EXOC8: variants seen among roughly 807,000 people sequenced by gnomAD.
EXOC8 encodes exocyst complex 84 kDa subunit.
In EXOC8, 19 loss-of-function variants were observed where a neutral mutation model predicts 50.8. The ratio of observed to expected loss-of-function variants is 0.37; its 90% CI spans 0.26 to 0.55. The LOEUF is 0.55. Among genes scored for constraint, EXOC8 ranks in the 20% least tolerant of loss-of-function variants. The probability of loss-of-function intolerance (pLI) is 0.80; values close to 1 mark genes in which losing one functional copy is unlikely to be tolerated. For missense variants in EXOC8, 781 were observed against 915.8 expected (o/e 0.85, Z 1.90); for synonymous variants, 384 against 367.9 (o/e 1.04, Z -0.50).
chr1:231,334,819 AC>A lies in EXOC8; in HGVS notation c.*748del. 6.6e-6 allele frequency: 1 copy of A among 152,326 alleles called. No homozygotes were observed. Among genetic ancestry groups the A allele is most frequent in the East Asian group, 1.9e-4 (1 of 5,194 alleles). 9.4% of individuals were successfully genotyped at this position (152,326 alleles called of 1,614,324 possible). ...GAAAGAATTCTTTTGACTAAAACTT[AC>A]CTTAAAACCAATTTTCCCAACTCTT... On this transcript the variant is annotated 3_prime_UTR_variant, in exon 1 of 1. Transcript: ENST00000366645.
rs758010951 is a variant in EXOC8 at position 231,336,183 on chromosome 1, A to G, written c.1563T>C (p.Cys521=). 16 of 1,614,026 alleles carry G rather than the reference A, an allele frequency of 9.9e-6. No homozygotes were observed. In the East Asian group the frequency reaches 2.9e-4, roughly 29 times the overall value. ...GGCAATGCTCCTTAGCCACTTTTAC[A>G]CACTCAGCTGCTGTAGAGAGGCTCT... The part of the protein sequence containing the change: ...SKESLSTAAE[C]VKVAKEHCQQ... The change falls in exon 1 of 1, where the codon TGT becomes TGC. Residue 521 remains cysteine (C), a synonymous_variant. Coordinates refer to ENST00000366645, the MANE Select transcript of EXOC8 (RefSeq NM_175876.5). The surrounding 1 kb of genome is among the most constrained non-coding windows in gnomAD (Gnocchi z 5.4).
In EXOC8 at chr1:231,335,035, G is replaced by C. The variant is rs1558356613; in HGVS notation, c.*533C>G. 1 of 151,882 alleles carries C rather than the reference G, an allele frequency of 6.6e-6. No homozygotes were observed. The allele number at this position is 151,882 out of a possible 1,614,324, so 9.4% of individuals were successfully genotyped here. A position where few individuals can be genotyped will look rare whatever the true frequency, so the allele number is the denominator to read the frequency against. ...TGTGGGGAAAAAAAAAAAGAAGAAAGAAAAGACTAGCCTGGGCAACATGGC... is the reference window on the plus strand; with the variant it reads ...TGTGGGGAAAAAAAAAAAGAAGAAACAAAAGACTAGCCTGGGCAACATGGC... On this transcript the variant is annotated 3_prime_UTR_variant, in exon 1 of 1. Transcript: ENST00000366645.
Position 231,337,575 on chromosome 1 carries a change from C to T in EXOC8, c.171G>A (p.Gln57=). 6.2e-7 allele frequency: 1 copy of T among 1,612,878 alleles called. No individual in the cohort carries two copies. The highest frequency in any genetic ancestry group is 8.5e-7 in the Non-Finnish European group (1 of 1,179,984). The change falls in exon 1 of 1, where the codon CAG becomes CAA. Residue 57 remains glutamine (Q), a synonymous_variant. Coordinates refer to ENST00000366645, the MANE Select transcript of EXOC8 (RefSeq NM_175876.5). The surrounding 1 kb of genome is among the most constrained non-coding windows in gnomAD (Gnocchi z 5.9). ...RIQALAEETA[Q]NLKRNVYQNY... The stretch of plus-strand genomic sequence containing the variant: ...TCTGGTAGACGTTGCGCTTCAGGTT[C>T]TGCGCCGTCTCCTCCGCCAGCGCCT...
Position 231,337,396 on chromosome 1 carries a change from G to A in EXOC8, c.350C>T (p.Ala117Val). Residue 117 changes from alanine to valine, a missense_variant, in exon 1 of 1, where the codon GCC becomes GTC. By Grantham distance (64) the Ala-to-Val change is moderately conservative. This residue lies in a region of EXOC8 where 700 missense variants were observed against 804.1 expected (regional missense o/e 0.87). Transcript: ENST00000366645. This position sits in a 1 kb window ranked among gnomAD's most constrained non-coding sequence, Gnocchi z 5.9. Reference sequence around the variant, plus strand: ...ACCGACTCCCTCCTCCCCTCCAGAGGCGGCGGCGGCTCCGGCGGCAGCAGC... The same window carrying A: ...ACCGACTCCCTCCTCCCCTCCAGAGACGGCGGCGGCTCCGGCGGCAGCAGC... ...PAAAAAGAAA[A>V]SGGEEGVGGA... is the part of the protein sequence containing the mutation. 1 of 1,603,794 alleles carries A rather than the reference G, an allele frequency of 6.2e-7. No individual in the cohort carries two copies.
Position 231,336,381 on chromosome 1 carries a change from ATAGAG to A in EXOC8, c.1360_1364del (p.Leu454TyrfsTer3). ...AGAAGACATGGCACAGCTTATGAAT[ATAGAG>A]TAAAGTGGCACCTTCGATGCGAAGC... On this transcript the variant is annotated frameshift_variant, in exon 1 of 1. Transcript: ENST00000366645. LOFTEE classifies it high-confidence loss of function. The surrounding 1 kb of genome is among the most constrained non-coding windows in gnomAD (Gnocchi z 5.4). 3 of 1,614,066 alleles carry A rather than the reference ATAGAG, an allele frequency of 1.9e-6. No homozygotes were observed. The highest frequency in any genetic ancestry group is 1.7e-5 in the Admixed American group (1 of 60,028).
rs1036571956 is a variant in EXOC8 at position 231,333,849 on chromosome 1, T to C, written c.*1719A>G. 1 of 152,320 alleles carries C rather than the reference T, an allele frequency of 6.6e-6. No individual in the cohort carries two copies. Among genetic ancestry groups the C allele is most frequent in the Admixed American group, 6.5e-5 (1 of 15,282 alleles). The allele number at this position is 152,320 out of a possible 1,614,324, so 9.4% of individuals were successfully genotyped here. ...ATGAATTTTACAACCCTGAGCCACT[T>C]TGGCAACTACTTTAGGTTTCACATA... is the stretch of plus-strand genomic sequence containing the variant. On this transcript the variant is annotated 3_prime_UTR_variant, in exon 1 of 1. Coordinates refer to ENST00000366645, the MANE Select transcript of EXOC8 (RefSeq NM_175876.5).
rs930848760 is a variant in EXOC8 at position 231,334,527 on chromosome 1, T to C, written c.*1041A>G. 2 of 152,236 alleles carry C rather than the reference T, an allele frequency of 1.3e-5. No individual in the cohort carries two copies. Among genetic ancestry groups the C allele is most frequent in the Admixed American group, 1.3e-4 (2 of 15,286 alleles). The allele number at this position is 152,236 out of a possible 1,614,324, so 9.4% of individuals were successfully genotyped here. Reference sequence around the variant, plus strand: ...TGCCAGTGTCCCCAATGTGTCTTGCTTATTATTTTTTAAAATGTGACAAAG... The same window carrying C: ...TGCCAGTGTCCCCAATGTGTCTTGCCTATTATTTTTTAAAATGTGACAAAG... On this transcript the variant is annotated 3_prime_UTR_variant, in exon 1 of 1. Coordinates refer to ENST00000366645, the MANE Select transcript of EXOC8 (RefSeq NM_175876.5).
Position 231,336,310 on chromosome 1 carries a change from G to A in EXOC8, c.1436C>T (p.Ala479Val). ...ETAREFEIDFAGTDSGCYSAF... is the reference protein window; with the variant it reads ...ETAREFEIDFVGTDSGCYSAF... ...AGAGTAGCAGCCGCTGTCAGTGCCT[G>A]CAAAATCGATCTCAAATTCTCTTGC... Residue 479 changes from alanine (A) to valine (V), a missense_variant, in exon 1 of 1, where the codon GCA becomes GTA. This residue lies in a region of EXOC8 where 700 missense variants were observed against 804.1 expected (regional missense o/e 0.87). Transcript: ENST00000366645. This position sits in a 1 kb window ranked among gnomAD's most constrained non-coding sequence, Gnocchi z 5.4. 1 of 1,614,016 alleles carries A rather than the reference G, an allele frequency of 6.2e-7. No individual in the cohort carries two copies. The highest frequency in any genetic ancestry group is 8.5e-7 in the Non-Finnish European group (1 of 1,179,980).
At position 231,333,349 on chromosome 1, in the gene EXOC8, T is replaced by A. The variant is rs1313238351; in HGVS notation, c.*2219A>T. On this transcript the variant is annotated 3_prime_UTR_variant, in exon 1 of 1. Coordinates refer to ENST00000366645, the MANE Select transcript of EXOC8 (RefSeq NM_175876.5). ...CTCACCAAAGCATACTTCCTTCAGC[T>A]ACAACTGTAATTGGAACACACAGAT... The A allele has an allele frequency of 2.0e-5, 3 of 152,254 alleles. No homozygotes were observed. The highest frequency in any genetic ancestry group is 4.4e-5 in the Non-Finnish European group (3 of 68,042). 9.4% of individuals were successfully genotyped at this position (152,254 alleles called of 1,614,324 possible).
rs1183657771 is a variant in EXOC8 at position 231,336,044 on chromosome 1, G to C, written c.1702C>G (p.His568Asp). The C allele has an allele frequency of 3.7e-6, 6 of 1,614,188 alleles. No individual in the cohort carries two copies. Among genetic ancestry groups the C allele is most frequent in the Non-Finnish European group, 5.1e-6 (6 of 1,180,044 alleles). ...CTCCACATCTCTTCAGAGTTGCGAT[G>C]TTTAGTGGCTTCAATGATGATTTCT... ...YKEIIIEATK[H>D]RNSEEMWRRM... The change falls in exon 1 of 1, where the codon CAT (histidine) becomes GAT (aspartate). Residue 568 changes from histidine to aspartate, a missense_variant. Coordinates refer to ENST00000366645, the MANE Select transcript of EXOC8 (RefSeq NM_175876.5). The surrounding 1 kb of genome is among the most constrained non-coding windows in gnomAD (Gnocchi z 5.4).
At position 231,335,965 on chromosome 1, in the gene EXOC8, T is replaced by A; in HGVS notation, c.1781A>T (p.Lys594Ile). The A allele has an allele frequency of 9.3e-6, 15 of 1,614,200 alleles. No individual in the cohort carries two copies. The highest frequency in any genetic ancestry group is 1.2e-5 in the Non-Finnish European group (14 of 1,180,038). The stretch of plus-strand genomic sequence containing the variant: ...CTCAAAGTTACTTACCCCACAACTT[T>A]TCATCTCTTCTTTGAGCTTACCCAG... ...EALGKLKEEM[K>I]SCGVSNFEQY... Residue 594 changes from lysine (K) to isoleucine (I), a missense_variant, in exon 1 of 1, where the codon AAA (lysine) becomes ATA (isoleucine). This residue lies in a region of EXOC8 where 700 missense variants were observed against 804.1 expected (regional missense o/e 0.87). Coordinates refer to ENST00000366645, the MANE Select transcript of EXOC8 (RefSeq NM_175876.5).
In EXOC8 at chr1:231,332,851, T is replaced by A. The variant is rs1184405622; in HGVS notation, c.*2717A>T. 2 of 152,202 alleles carry A rather than the reference T, an allele frequency of 1.3e-5. No individual in the cohort carries two copies. The highest frequency in any genetic ancestry group is 4.8e-5 in the African/African-American group (2 of 41,444). The allele number at this position is 152,202 out of a possible 1,614,324, so 9.4% of individuals were successfully genotyped here. On this transcript the variant is annotated 3_prime_UTR_variant, in exon 1 of 1. Transcript: ENST00000366645. ...AAGCAGTATGTACATAGACTGACTT[T>A]TATAGTACATGTCATGTCCCAAATT...
chr1:231,336,671 G>A lies in EXOC8; in HGVS notation c.1075C>T (p.Leu359=). 1 of 1,614,194 alleles carries A rather than the reference G, an allele frequency of 6.2e-7. No homozygotes were observed. The change falls in exon 1 of 1, where the codon CTG becomes TTG. Residue 359 remains leucine (L), a synonymous_variant. Coordinates refer to ENST00000366645, the MANE Select transcript of EXOC8 (RefSeq NM_175876.5). The surrounding 1 kb of genome is among the most constrained non-coding windows in gnomAD (Gnocchi z 5.4). The part of the protein sequence containing the change: ...AQRDFEGAVD[L]LDKLNHYLED... ...AGGTAATGGTTCAATTTATCCAGCAGGTCAACCGCCCCTTCAAAGTCTCTC... is the reference window on the plus strand; with the variant it reads ...AGGTAATGGTTCAATTTATCCAGCAAGTCAACCGCCCCTTCAAAGTCTCTC...
rs1383606233 is a variant in EXOC8, at chr1:231,333,630, C to T, written c.*1938G>A. On this transcript the variant is annotated 3_prime_UTR_variant, in exon 1 of 1. Coordinates refer to ENST00000366645, the MANE Select transcript of EXOC8 (RefSeq NM_175876.5). ...CAAAATTTTATCAATTTCCAGTGAT[C>T]TTAAAAAGACAAATTATAACCGCCT... is the stretch of plus-strand genomic sequence containing the variant. 1 of 152,556 alleles carries T rather than the reference C, an allele frequency of 6.6e-6. No homozygotes were observed. The highest frequency in any genetic ancestry group is 2.4e-5 in the African/African-American group (1 of 41,412). The allele number at this position is 152,556 out of a possible 1,614,324, so 9.5% of individuals were successfully genotyped here.
Position 231,337,390 on chromosome 1 carries a change from C to T in EXOC8, c.356G>A (p.Gly119Glu), listed in dbSNP as rs1386388010. 6.2e-7 allele frequency: 1 copy of T among 1,604,138 alleles called. No homozygotes were observed. The highest frequency in any genetic ancestry group is 1.3e-5 in the African/African-American group (1 of 74,926). Reference sequence around the variant, plus strand: ...CGCCCCACCGACTCCCTCCTCCCCTCCAGAGGCGGCGGCGGCTCCGGCGGC... The same window carrying T: ...CGCCCCACCGACTCCCTCCTCCCCTTCAGAGGCGGCGGCGGCTCCGGCGGC... Reference protein sequence around the residue: ...AAAAGAAAASGGEEGVGGAGG... With the variant: ...AAAAGAAAASEGEEGVGGAGG... Residue 119 changes from glycine (G) to glutamate (E), a missense_variant, in exon 1 of 1, where the codon GGA (glycine) becomes GAA (glutamate). Gly to Glu is a moderately conservative substitution (Grantham distance 98). This residue lies in a region of EXOC8 where 700 missense variants were observed against 804.1 expected (regional missense o/e 0.87). Coordinates refer to ENST00000366645, the MANE Select transcript of EXOC8 (RefSeq NM_175876.5). This position sits in a 1 kb window ranked among gnomAD's most constrained non-coding sequence, Gnocchi z 5.9.
Position 231,334,070 on chromosome 1 carries a change from T to G in EXOC8, c.*1498A>C, listed in dbSNP as rs1331692440. 6.6e-6 allele frequency: 1 copy of G among 152,228 alleles called. No individual in the cohort carries two copies. The highest frequency in any genetic ancestry group is 2.4e-5 in the African/African-American group (1 of 41,458). The allele number at this position is 152,228 out of a possible 1,614,324, so 9.4% of individuals were successfully genotyped here. On this transcript the variant is annotated 3_prime_UTR_variant, in exon 1 of 1. Coordinates refer to ENST00000366645, the MANE Select transcript of EXOC8 (RefSeq NM_175876.5). ...TACAACAGCGATAGTTTAGAAACCT[T>G]GGGAAGCTCACATTTCTTTAGTTAT... is the stretch of plus-strand genomic sequence containing the variant.
At position 231,336,008 on chromosome 1, in the gene EXOC8, A is replaced by C. The variant is rs750273435; in HGVS notation, c.1738T>G (p.Leu580Val). The C allele has an allele frequency of 6.2e-7, 1 of 1,614,118 alleles. No individual in the cohort carries two copies. Among genetic ancestry groups the C allele is most frequent in the South Asian group, 1.1e-5 (1 of 91,092 alleles). The change falls in exon 1 of 1, where the codon TTG becomes GTG. Residue 580 changes from leucine (L) to valine (V), a missense_variant. This residue lies in a region of EXOC8 where 700 missense variants were observed against 804.1 expected (regional missense o/e 0.87). Coordinates refer to ENST00000366645, the MANE Select transcript of EXOC8 (RefSeq NM_175876.5). This position sits in a 1 kb window ranked among gnomAD's most constrained non-coding sequence, Gnocchi z 5.4. ...NSEEMWRRMNLMTPEALGKLK... is the reference protein window; with the variant it reads ...NSEEMWRRMNVMTPEALGKLK... ...TTACCCAGGGCTTCTGGCGTCATCA[A>C]GTTCATCCTCCTCCACATCTCTTCA...
Position 231,337,755 on chromosome 1 carries a change from G to T in EXOC8, c.-10C>A. On this transcript the variant is annotated 5_prime_UTR_variant, in exon 1 of 1. Coordinates refer to ENST00000366645, the MANE Select transcript of EXOC8 (RefSeq NM_175876.5). The surrounding 1 kb of genome is among the most constrained non-coding windows in gnomAD (Gnocchi z 5.9). Reference sequence around the variant, plus strand: ...ACATCGCCATCGCCATTTCTCTCCGGGTCTCACGCACTCACTGTCACTATC... The same window carrying T: ...ACATCGCCATCGCCATTTCTCTCCGTGTCTCACGCACTCACTGTCACTATC... 1 of 1,587,080 alleles carries T rather than the reference G, an allele frequency of 6.3e-7. No individual in the cohort carries two copies. The highest frequency in any genetic ancestry group is 2.2e-5 in the East Asian group (1 of 44,664).
rs561607403 is a variant in EXOC8, at chr1:231,333,139, A to G, written c.*2429T>C. ...ATGCTTAAGTGGTATATTTTAGTAT[A>G]TATTACATTTCTGGACAATCTCTCA... On this transcript the variant is annotated 3_prime_UTR_variant, in exon 1 of 1. Transcript: ENST00000366645. The G allele has an allele frequency of 5.3e-5, 8 of 152,344 alleles. No individual in the cohort carries two copies. In the East Asian group the frequency reaches 1.5e-3, roughly 29 times the overall value. The allele number at this position is 152,344 out of a possible 1,614,324, so 9.4% of individuals were successfully genotyped here. A position where few individuals can be genotyped will look rare whatever the true frequency, so the allele number is the denominator to read the frequency against.
Sources: gnomAD v4.1 joint callset for allele counts on GRCh38, gnomAD v4.1.1 for gene constraint, gnomAD v4.1.1 regional missense constraint, Gnocchi (gnomAD v3.1) non-coding constraint, MANE v1.5 for transcripts, NCBI Gene and HGNC (gene_info 2026-07-23, HGNC 2026-07-21) for gene names.